EYA4: variants seen among roughly 807,000 people sequenced by gnomAD.
EYA4 encodes protein phosphatase EYA4.
Under a neutral mutation model 87.9 loss-of-function variants are expected in EYA4, and 31 were observed. That is an observed-to-expected ratio of 0.35 (90% CI 0.27 to 0.48). EYA4 has a LOEUF of 0.48. Ranked by LOEUF, EYA4 falls within the 20% of genes least tolerant of loss-of-function variation. EYA4 has a pLI of 0.99. For synonymous variants in EYA4, 263 were observed against 270.6 expected (o/e 0.97, Z 0.28); for missense variants, 678 against 761.4 (o/e 0.89, Z 1.29).
intron 2 of EYA4, among the ~76,000 whole-genome samples, chr6:133,283,643 A>T (rs1311063676): frequency 6.6e-6 from 1 of 152,114 alleles, no homozygotes; most frequent in African/African-American, 2.4e-5. Context: ...TGGAATATGA[A>T]CTCACATAGT....
At chr6:133,338,424 T>C (rs1782537563) in intron 2 of EYA4, among the ~76,000 whole-genome samples, 1 of 152,198 alleles carries the variant, frequency 6.6e-6, no homozygotes, top group Non-Finnish European at 1.5e-5. Flanking sequence ...CAATGAGAGG[T>C]AACTAGATGG....
At chr6:133,274,958 A>G (rs1562235397) in intron 2 of EYA4, 145 bp downstream of exon 2, 2 of 688,860 alleles carry the variant, frequency 2.9e-6, no homozygotes, top group African/African-American at 1.8e-5. Flanking sequence ...AGACCATGAA[A>G]CAGACCTTTG....
chr6:133,400,009 A>G (rs182060648), intron 3 of EYA4, among the ~76,000 whole-genome samples: 2 of 152,356 alleles, frequency 1.3e-5, no homozygotes, highest in Admixed American at 6.5e-5. Flanking sequence ...GGTTCCTTGC[A>G]TTATTCTCTG....
chr6:133,347,239 A>G (rs1428161278), intron 2 of EYA4, among the ~76,000 whole-genome samples: 1 of 152,176 alleles, frequency 6.6e-6, no homozygotes, highest in Non-Finnish European at 1.5e-5. Flanking sequence ...ATTCCAAACC[A>G]TGCATTTCCC....
chr6:133,314,608 AC>A (rs1201190053), intron 2 of EYA4, among the ~76,000 whole-genome samples: 1 of 152,196 alleles, frequency 6.6e-6, no homozygotes, highest in Non-Finnish European at 1.5e-5. Context: ...TCCTTCAGGT[AC>A]ACTGGTGTAA....
intron 3 of EYA4, among the ~76,000 whole-genome samples, chr6:133,425,099 C>T (rs778088870): frequency 3.3e-5 from 5 of 150,866 alleles, no homozygotes; most frequent in East Asian, 2.0e-4. Flanking sequence ...TTTATCTATC[C>T]GCTCACCTAT....
intron 1 of EYA4, among the ~76,000 whole-genome samples, chr6:133,258,326 T>C (rs1775513750): frequency 6.6e-6 from 1 of 152,228 alleles, no homozygotes; most frequent in Admixed American, 6.5e-5. Context: ...ATTATTCTGC[T>C]TCTCATTCTG....
chr6:133,419,104 C>A (rs996187752), intron 3 of EYA4, among the ~76,000 whole-genome samples: 2 of 152,056 alleles, frequency 1.3e-5, no homozygotes, highest in Non-Finnish European at 2.9e-5. Flanking sequence ...TACTTAATTT[C>A]TTTTGTTTCG....
chr6:133,477,173 G>A (rs1309489776), intron 11 of EYA4, among the ~76,000 whole-genome samples: 3 of 151,928 alleles, frequency 2.0e-5, no homozygotes, highest in African/African-American at 7.2e-5. Context: ...ACCCAGTCTC[G>A]AGTAGTTCTT....
Position 133,525,085 on chromosome 6 carries a change from T to C in EYA4, c.1739-69T>C, listed in dbSNP as rs571585151. 5.6e-6 allele frequency: 9 copies of C among 1,613,702 alleles called. No homozygotes were observed. In the East Asian group the frequency reaches 1.8e-4, roughly 32 times the overall value. On this transcript the variant is annotated intron_variant, in intron 18 of 19. Transcript: ENST00000355286. ...ACATAACTTATGTTGTGATTGGAGA[T>C]GGCCGAGATGAGGAGCATGCCGCTA...
intron 13 of EYA4, among the ~76,000 whole-genome samples, chr6:133,486,072 A>G (rs548531770): frequency 1.3e-5 from 2 of 152,360 alleles, no homozygotes; most frequent in East Asian, 3.9e-4. Flanking sequence ...GATTGACCAC[A>G]CTGAATAATG....
At chr6:133,463,399 G>T (rs1215167484) in intron 9 of EYA4, among the ~76,000 whole-genome samples, 3 of 126,830 alleles carry the variant, frequency 2.4e-5, no homozygotes, top group African/African-American at 3.1e-5. Flanking sequence ...TCGCTCTGTT[G>T]CCCAGGCTGG....
At chr6:133,417,391 A>C (rs747602530) in intron 3 of EYA4, among the ~76,000 whole-genome samples, 1 of 152,198 alleles carries the variant, frequency 6.6e-6, no homozygotes, top group African/African-American at 2.4e-5. Context: ...GGAAGATTGA[A>C]GTTTAGAAGA....
At chr6:133,458,425 G>A (rs150919181) in intron 6 of EYA4, among the ~76,000 whole-genome samples, 4 of 152,150 alleles carry the variant, frequency 2.6e-5, no homozygotes, top group African/African-American at 9.6e-5. Context: ...GCTGCATGTG[G>A]TTAGCAGCTA....
chr6:133,479,298 C>T (rs1430957594), intron 11 of EYA4, among the ~76,000 whole-genome samples: 1 of 152,084 alleles, frequency 6.6e-6, no homozygotes, highest in African/African-American at 2.4e-5. Context: ...ATATTCAACC[C>T]CATAACTTAA....
chr6:133,329,632 A>G (rs1411647092), intron 2 of EYA4, among the ~76,000 whole-genome samples: 1 of 152,082 alleles, frequency 6.6e-6, no homozygotes, highest in Non-Finnish European at 1.5e-5. Context: ...ATGATGTTAC[A>G]TTGCATATGT....
intron 1 of EYA4, among the ~76,000 whole-genome samples, chr6:133,262,793 T>C (rs1041998949): frequency 2.6e-5 from 4 of 152,208 alleles, no homozygotes; most frequent in African/African-American, 4.8e-5. Context: ...GTTCTATCTT[T>C]ATAGACAGCT....
At chr6:133,396,987 A>C (rs1368059340) in intron 3 of EYA4, among the ~76,000 whole-genome samples, 2 of 152,202 alleles carry the variant, frequency 1.3e-5, no homozygotes, top group African/African-American at 4.8e-5. Flanking sequence ...TATCCTAAAA[A>C]TTCACATCTC....
chr6:133,434,340 T>C (rs1430865257), intron 3 of EYA4, among the ~76,000 whole-genome samples: 1 of 152,248 alleles, frequency 6.6e-6, no homozygotes, highest in East Asian at 1.9e-4. Flanking sequence ...AAGGGCTGCC[T>C]CTTAAGAAAA....
Sources: gnomAD v4.1 joint callset for allele counts (sites outside exome capture counted in the v4.1 genomes callset) on GRCh38, gnomAD v4.1.1 for gene constraint, MANE v1.5 for transcripts, NCBI Gene and HGNC (gene_info 2026-07-23, HGNC 2026-07-21) for gene names.